Variants in STXBP4 observed in about 807,000 individuals in gnomAD.
The protein encoded by STXBP4 is syntaxin-binding protein 4.
A neutral mutation model predicts 76.1 loss-of-function variants in STXBP4; 55 were observed. That is an observed-to-expected ratio of 0.72 (90% CI 0.58 to 0.91). The LOEUF is 0.91. STXBP4 is among the 40% of genes least tolerant of loss of function. The pLI, the probability that STXBP4 is intolerant of heterozygous loss-of-function variation, is 0.00. For synonymous variants in STXBP4, 201 were observed against 220.2 expected (o/e 0.91, Z 0.77); for missense variants, 618 against 636.9 (o/e 0.97, Z 0.32).
intron 4 of STXBP4, among the ~76,000 whole-genome samples, chr17:54,993,661 T>A (rs2077754150): frequency 6.6e-6 from 1 of 152,242 alleles, no homozygotes; most frequent in South Asian, 2.1e-4. Flanking sequence ...AATAAATTTC[T>A]AGTCTGCACA....
In STXBP4 at chr17:55,012,075, G is replaced by T. The variant is rs189265784; in HGVS notation, c.666+4478G>T. On this transcript the variant is annotated intron_variant, in intron 8 of 17. Coordinates refer to ENST00000376352, the MANE Select transcript of STXBP4 (RefSeq NM_178509.6). The stretch of plus-strand genomic sequence containing the variant: ...TGCTCCATTTGAAGAACTATTTATG[G>T]TTTTACAGCTTCGATTCTGGAAGAG... 1.7e-3 allele frequency among the ~76,000 whole-genome samples: 265 copies of T among 152,274 alleles called. 3 individuals are homozygous for T. The highest frequency in any genetic ancestry group is 1.8e-3 in the Non-Finnish European group (122 of 68,020).
intron 8 of STXBP4, among the ~76,000 whole-genome samples, chr17:55,021,520 A>T (rs562178559): frequency 3.9e-5 from 6 of 152,090 alleles, no homozygotes; most frequent in African/African-American, 1.4e-4. Flanking sequence ...TATCTCTAAA[A>T]ATAATCATAA....
intron 16 of STXBP4, among the ~76,000 whole-genome samples, chr17:55,114,203 A>G (rs1434660759): frequency 6.6e-6 from 1 of 151,964 alleles, no homozygotes; most frequent in Non-Finnish European, 1.5e-5. Context: ...ATTTATTTGC[A>G]AATATTGTTT....
At chr17:55,204,099 A>G in the STXBP4 span, among the ~76,000 whole-genome samples, 1 of 151,380 alleles carries the variant, frequency 6.6e-6, no homozygotes, top group Non-Finnish European at 1.5e-5. Context: ...TGACCTTTTC[A>G]TCATGTTCCC....
At chr17:55,131,653 TAGAAC>T in intron 16 of STXBP4, among the ~76,000 whole-genome samples, 1 of 152,332 alleles carries the variant, frequency 6.6e-6, no homozygotes, top group East Asian at 1.9e-4. Flanking sequence ...TTTTCCTGAA[TAGAAC>T]AGAAAAGAGA....
chr17:55,001,527 T>C (rs1598183473), intron 7 of STXBP4, among the ~76,000 whole-genome samples: 1 of 152,156 alleles, frequency 6.6e-6, no homozygotes, highest in East Asian at 1.9e-4. Context: ...AACACAACAA[T>C]GATAAAAAGA....
intron 12 of STXBP4, among the ~76,000 whole-genome samples, chr17:55,048,896 C>T (rs1195781958): frequency 2.0e-5 from 3 of 151,838 alleles, no homozygotes; most frequent in Non-Finnish European, 4.4e-5. Flanking sequence ...TAAAACAAGA[C>T]CTGAATCTAA....
chr17:55,176,178 C>T (rs552808236), downstream of STXBP4, among the ~76,000 whole-genome samples: 6 of 152,296 alleles, frequency 3.9e-5, no homozygotes, highest in South Asian at 6.2e-4. Flanking sequence ...ACAGAGCTTA[C>T]AGCCAGTCAA....
chr17:54,990,766 GA>G, intron 3 of STXBP4, 58 bp from the exon 4 acceptor site: 1 of 1,512,666 alleles, frequency 6.6e-7, no homozygotes. Context: ...GTAGTTTAAA[GA>G]AAAAAATAGG....
intron 8 of STXBP4, among the ~76,000 whole-genome samples, chr17:55,015,884 C>T (rs1257882573): frequency 2.6e-5 from 4 of 152,182 alleles, no homozygotes; most frequent in Admixed American, 2.6e-4. Flanking sequence ...CTCAATTTGC[C>T]TTCTTTTCTA....
chr17:55,008,136 A>G (rs1007921596), intron 8 of STXBP4, among the ~76,000 whole-genome samples: 4 of 152,232 alleles, frequency 2.6e-5, no homozygotes, highest in South Asian at 4.1e-4. Context: ...TGATTAAAAA[A>G]GAAAAATTAA....
chr17:55,175,000 C>T (rs527943040), downstream of STXBP4, among the ~76,000 whole-genome samples: 3 of 151,666 alleles, frequency 2.0e-5, no homozygotes, highest in African/African-American at 7.3e-5. Flanking sequence ...CTTCAGCCTG[C>T]GACAGAGCGA....
chr17:54,990,772 A>G (rs1326241986), intron 3 of STXBP4, 53 bp from the exon 4 acceptor site: 1 of 1,517,704 alleles, frequency 6.6e-7, no homozygotes, highest in African/African-American at 1.5e-5. Flanking sequence ...TAAAGAAAAA[A>G]ATAGGTGCAG....
At chr17:54,972,515 T>A (rs1301034841) in intron 1 of STXBP4, among the ~76,000 whole-genome samples, 1 of 152,264 alleles carries the variant, frequency 6.6e-6, no homozygotes, top group Non-Finnish European at 1.5e-5. Context: ...TATTATTTTT[T>A]AATTCTGATT....
At chr17:55,091,940 A>G (rs1255151641) in intron 16 of STXBP4, among the ~76,000 whole-genome samples, 1 of 152,218 alleles carries the variant, frequency 6.6e-6, no homozygotes, top group Non-Finnish European at 1.5e-5. Context: ...CTCATTATGT[A>G]TATGCAAGTA....
chr17:55,147,187 C>G (rs879381763), intron 17 of STXBP4, among the ~76,000 whole-genome samples: 2 of 152,174 alleles, frequency 1.3e-5, no homozygotes, highest in African/African-American at 2.4e-5. Context: ...CTTTTTGGCA[C>G]GAGGAACCCA....
chr17:55,098,091 C>G (rs748716824), intron 16 of STXBP4, among the ~76,000 whole-genome samples: 1 of 152,162 alleles, frequency 6.6e-6, no homozygotes, highest in African/African-American at 2.4e-5. Context: ...CCATTCTCTT[C>G]CGCACCTCCT....
At chr17:55,026,051 A>T (rs1012552513) in intron 8 of STXBP4, among the ~76,000 whole-genome samples, 8 of 152,206 alleles carry the variant, frequency 5.3e-5, no homozygotes, top group Admixed American at 3.3e-4. Flanking sequence ...GAATAAATTT[A>T]AAAAAAGAAG....
At chr17:55,126,138 G>A (rs1365758951) in intron 16 of STXBP4, among the ~76,000 whole-genome samples, 1 of 152,142 alleles carries the variant, frequency 6.6e-6, no homozygotes, top group Non-Finnish European at 1.5e-5. Flanking sequence ...TAGTGTAACA[G>A]AATCCAGAGT....
Sources: allele counts gnomAD v4.1 joint callset (sites outside exome capture counted in the v4.1 genomes callset), GRCh38; gene constraint gnomAD v4.1.1; transcripts MANE v1.5; gene names NCBI Gene and HGNC (gene_info 2026-07-23, HGNC 2026-07-21).